The following PLVAP variants were observed in gnomAD, a reference collection of about 807,000 sequenced individuals.
PLVAP encodes the protein plasmalemma vesicle associated protein.
Under a neutral mutation model 43.1 loss-of-function variants are expected in PLVAP, and 34 were observed. That is an observed-to-expected ratio of 0.79 (90% CI 0.60 to 1.05). PLVAP has a LOEUF of 1.05. Among genes scored for constraint, PLVAP ranks in the 50% least tolerant of loss-of-function variants. PLVAP has a pLI of 0.00. For synonymous variants in PLVAP, 241 were observed against 237.3 expected, an observed-to-expected ratio of 1.02 and a Z score of -0.14; for missense variants, 574 against 593.4, an observed-to-expected ratio of 0.97 and a Z score of 0.34.
chr19:17,377,159 C>G lies in PLVAP; in HGVS notation c.130G>C (p.Val44Leu), dbSNP rs1050804005. Residue 44 changes from valine to leucine, a missense_variant, in exon 1 of 6, where the codon GTG becomes CTG. Physicochemically the swap from Val to Leu is conservative, Grantham distance 32 (BLOSUM62 1). Transcript: ENST00000252590. Reference protein sequence around the residue: ...LIQFLIILGLVLFMVYGNVHV... With the variant: ...LIQFLIILGLLLFMVYGNVHV... ...ACGTTGCCATAGACCATGAAGAGCA[C>G]GAGCCCCAGGATGATGAGGAATTGG... The G allele has an allele frequency of 1.9e-6, 3 of 1,613,886 alleles. No homozygotes were observed. Among genetic ancestry groups the G allele is most frequent in the African/African-American group, 2.7e-5 (2 of 74,836 alleles).
intron 1 of PLVAP, among the ~76,000 whole-genome samples, chr19:17,374,892 C>G (rs2074588886): frequency 1.3e-5 from 2 of 149,102 alleles, no homozygotes; most frequent in African/African-American, 5.0e-5. Flanking sequence ...GATCTCGGCT[C>G]ACTGCAATCT....
At position 17,365,725 on chromosome 19, in the gene PLVAP, G is replaced by A. The variant is rs1209182914; in HGVS notation, c.740C>T (p.Pro247Leu). 4 of 1,613,942 alleles carry A rather than the reference G, an allele frequency of 2.5e-6. No homozygotes were observed. Among genetic ancestry groups the A allele is most frequent in the Non-Finnish European group, 3.4e-6 (4 of 1,180,056 alleles). The change falls in exon 3 of 6, where the codon CCA becomes CTA. Residue 247 changes from proline to leucine, a missense_variant. Physicochemically the swap from Pro to Leu is moderately conservative, Grantham distance 98 (BLOSUM62 -3). Transcript: ENST00000252590. ...LRNLWRDSII[P>L]RSLDNLGYNL... ...GTAACCCAGGTTGTCCAGGCTGCGT[G>A]GGATAATGGAGTCCCTCCACAGGTT...
Position 17,365,834 on chromosome 19 carries a change from G to C in PLVAP, c.631C>G (p.Arg211Gly). The change falls in exon 3 of 6, where the codon CGC becomes GGC. Residue 211 changes from arginine to glycine, a missense_variant. Arg to Gly is a moderately radical substitution (Grantham distance 125). Coordinates refer to ENST00000252590, the MANE Select transcript of PLVAP (RefSeq NM_031310.3). The stretch of plus-strand genomic sequence containing the variant: ...TGCAGTTGCTCCTTGGCCAGCTGGC[G>C]CTCTTGGTGCTGCAGCTCCCGGGTT... ...VKTRELQHQE[R>G]QLAKEQLQKV... 6.2e-7 allele frequency: 1 copy of C among 1,614,122 alleles called. No homozygotes were observed. The highest frequency in any genetic ancestry group is 8.5e-7 in the Non-Finnish European group (1 of 1,180,030).
In PLVAP at chr19:17,377,169, G is replaced by T; in HGVS notation, c.120C>A (p.Ile40=). 6.2e-7 allele frequency: 1 copy of T among 1,614,118 alleles called. No individual in the cohort carries two copies. Among genetic ancestry groups the T allele is most frequent in the South Asian group, 1.1e-5 (1 of 91,080 alleles). The change falls in exon 1 of 6, where the codon ATC becomes ATA. Residue 40 remains isoleucine (I), a synonymous_variant. Transcript: ENST00000252590. ...AGACCATGAAGAGCACGAGCCCCAG[G>T]ATGATGAGGAATTGGATGAGGGAGA... ...LFVSLIQFLI[I]LGLVLFMVYG... is the part of the protein sequence containing the mutation.
At position 17,368,218 on chromosome 19, in the gene PLVAP, C is replaced by G. The variant is rs76721684; in HGVS notation, c.370-2023G>C. 4.6e-3 allele frequency among the ~76,000 whole-genome samples: 692 copies of G among 151,644 alleles called. 27 individuals are homozygous for G. The East Asian group carries it at 0.085, about 19-fold the overall frequency. ...TCCCTAGTAGCTGGGATTACAGGCACGCACCACCATGCTTGGCTAATATTG... is the reference window on the plus strand; with the variant it reads ...TCCCTAGTAGCTGGGATTACAGGCAGGCACCACCATGCTTGGCTAATATTG... On this transcript the variant is annotated intron_variant, in intron 1 of 5. Coordinates refer to ENST00000252590, the MANE Select transcript of PLVAP (RefSeq NM_031310.3).
At chr19:17,360,634 TGAC>T (rs1209044119) in intron 4 of PLVAP, 25 bp from the exon 5 acceptor site, 1 of 1,602,570 alleles carries the variant, frequency 6.2e-7, no homozygotes, top group Non-Finnish European at 8.5e-7. Flanking sequence ...AGGTGAGGCT[TGAC>T]CTACAGCTTC....
chr19:17,370,001 T>TAA (rs763532839), intron 1 of PLVAP, among the ~76,000 whole-genome samples: 2,420 of 88,496 alleles, frequency 0.027, 89 homozygotes, highest in African/African-American at 0.064. Flanking sequence ...AGAGTCTGTC[T>TAA]AAAAAAAAAA....
chr19:17,357,344 G>A (rs1233062450), intron 5 of PLVAP, among the ~76,000 whole-genome samples: 1 of 151,974 alleles, frequency 6.6e-6, no homozygotes, highest in Admixed American at 6.6e-5. Context: ...CCCGATGCAT[G>A]AGGTGGGTGA....
intron 1 of PLVAP, among the ~76,000 whole-genome samples, chr19:17,368,623 G>C (rs181463361): frequency 6.6e-6 from 1 of 152,004 alleles, no homozygotes; most frequent in African/African-American, 2.4e-5. Flanking sequence ...ACAGAGACAC[G>C]GACAGAAGGA....
At chr19:17,372,338 G>A (rs1190664696) in intron 1 of PLVAP, among the ~76,000 whole-genome samples, 1 of 150,816 alleles carries the variant, frequency 6.6e-6, no homozygotes, top group African/African-American at 2.4e-5. Context: ...GAACCCGGGA[G>A]GCAGAGGTTG....
chr19:17,366,401 C>T (rs1447832201), intron 1 of PLVAP, among the ~76,000 whole-genome samples: 2 of 151,984 alleles, frequency 1.3e-5, no homozygotes, highest in African/African-American at 4.8e-5. Flanking sequence ...GAGGATCACT[C>T]GAGCCCAAGA....
At chr19:17,358,396 C>A (rs2074515032) in intron 5 of PLVAP, among the ~76,000 whole-genome samples, 1 of 152,108 alleles carries the variant, frequency 6.6e-6, no homozygotes, top group Non-Finnish European at 1.5e-5. Context: ...CTGCAACAGA[C>A]CCAGAATGAC....
intron 3 of PLVAP, among the ~76,000 whole-genome samples, chr19:17,364,486 C>A (rs1958625889): frequency 6.6e-6 from 1 of 152,088 alleles, no homozygotes; most frequent in African/African-American, 2.4e-5. Context: ...CAAGTGTGAG[C>A]CACCAAGCCC....
intron 1 of PLVAP, 123 bp downstream of exon 1, chr19:17,376,797 C>T: frequency 9.7e-7 from 1 of 1,028,084 alleles, no homozygotes; most frequent in Non-Finnish European, 1.4e-6. Flanking sequence ...GACTCTGTCT[C>T]ATAAGAAAAG....
chr19:17,369,744 T>C (rs1018870032), intron 1 of PLVAP, among the ~76,000 whole-genome samples: 2 of 151,266 alleles, frequency 1.3e-5, no homozygotes, highest in East Asian at 1.9e-4. Flanking sequence ...CTCACACCTA[T>C]AATCCCAGCA....
intron 5 of PLVAP, among the ~76,000 whole-genome samples, chr19:17,355,169 A>G (rs1221051820): frequency 6.7e-6 from 1 of 149,188 alleles, no homozygotes; most frequent in Non-Finnish European, 1.5e-5. Flanking sequence ...GGTTGCAGTG[A>G]GCTGAGATCA....
chr19:17,353,345 C>CT (rs1436878431), intron 5 of PLVAP, among the ~76,000 whole-genome samples: 5 of 152,226 alleles, frequency 3.3e-5, no homozygotes, highest in African/African-American at 1.2e-4. Context: ...GTCCCCAGCT[C>CT]TTTGTCCCGT....
At position 17,360,562 on chromosome 19, in the gene PLVAP, T is replaced by C. The variant is rs778382436; in HGVS notation, c.1288A>G (p.Arg430Gly). The change falls in exon 5 of 6, where the codon AGG becomes GGG. Residue 430 changes from arginine (R) to glycine (G), a missense_variant. Transcript: ENST00000252590. ...EFKRKILESQ[R>G]PPAGIPVAPS... The stretch of plus-strand genomic sequence containing the variant: ...GCTACAGGGATGCCTGCAGGGGGCC[T>C]CTGGGACTCCAGGATCTTCCTCTTG... 2 of 1,613,994 alleles carry C rather than the reference T, an allele frequency of 1.2e-6. No individual in the cohort carries two copies. The highest frequency in any genetic ancestry group is 2.2e-5 in the South Asian group (2 of 91,068).
At position 17,365,327 on chromosome 19, in the gene PLVAP, C is replaced by T; in HGVS notation, c.1138G>A (p.Ala380Thr). 1 of 1,613,188 alleles carries T rather than the reference C, an allele frequency of 6.2e-7. No individual in the cohort carries two copies. Among genetic ancestry groups the T allele is most frequent in the East Asian group, 2.2e-5 (1 of 44,876 alleles). The change falls in exon 3 of 6, where the codon GCC (alanine) becomes ACC (threonine). Residue 380 changes from alanine (A) to threonine (T), a missense_variant. Transcript: ENST00000252590. ...GTGTCCAGGGCTGAGTTTCTGATGG[C>T]CAGCTCCATCCTGAGCTGCTCCGCC... ...REAEQLRMEL[A>T]IRNSALDTCI...
Sources: allele counts gnomAD v4.1 joint callset (sites outside exome capture counted in the v4.1 genomes callset), GRCh38; gene constraint gnomAD v4.1.1; transcripts MANE v1.5; gene names NCBI Gene and HGNC (gene_info 2026-07-23, HGNC 2026-07-21).